FAF2: variants seen among roughly 807,000 people sequenced by gnomAD.
FAF2 encodes the protein FAS-associated factor 2.
A neutral mutation model predicts 62.3 loss-of-function variants in FAF2; 9 were observed. The observed-to-expected ratio is 0.14, with a 90% confidence interval of 0.09 to 0.25. FAF2 has a LOEUF of 0.25. Ranked by LOEUF, FAF2 falls within the 10% of genes least tolerant of loss-of-function variation. The pLI is 1.00. For synonymous variants in FAF2, 202 were observed against 198.0 expected (o/e 1.02, Z -0.17); for missense variants, 368 against 556.2 (o/e 0.66, Z 3.40).
chr5:176,501,766 T>C (rs1023958741), intron 10 of FAF2, among the ~76,000 whole-genome samples: 3 of 152,198 alleles, frequency 2.0e-5, no homozygotes, highest in African/African-American at 7.2e-5. Flanking sequence ...TAACTTTGTT[T>C]GTTTTGAGAC....
chr5:176,507,035 AC>A lies in FAF2; in HGVS notation c.*86del. ...AACAACAGCAAGTCAGAAAAAAAAAACAAGAGAGAGAAATTCATATTATTAT... is the reference window on the plus strand; with the variant it reads ...AACAACAGCAAGTCAGAAAAAAAAAAAAGAGAGAGAAATTCATATTATTAT... On this transcript the variant is annotated 3_prime_UTR_variant, in exon 11 of 11. Coordinates refer to ENST00000261942, the MANE Select transcript of FAF2 (RefSeq NM_014613.3). The A allele has an allele frequency of 4.4e-6, 4 of 919,396 alleles. No individual in the cohort carries two copies. The highest frequency in any genetic ancestry group is 6.0e-6 in the Non-Finnish European group (4 of 668,394). The allele number at this position is 919,396 out of a possible 1,614,324, so 57.0% of individuals were successfully genotyped here. A position where few individuals can be genotyped will look rare whatever the true frequency, so the allele number is the denominator to read the frequency against.
intron 1 of FAF2, among the ~76,000 whole-genome samples, chr5:176,476,551 A>T (rs1758694127): frequency 6.6e-6 from 1 of 151,882 alleles, no homozygotes; most frequent in African/African-American, 2.4e-5. Flanking sequence ...CACATAAGAG[A>T]CGTAGAAAAC....
At chr5:176,458,408 CTTTT>C (rs751775026) in intron 1 of FAF2, among the ~76,000 whole-genome samples, 5 of 86,362 alleles carry the variant, frequency 5.8e-5, no homozygotes, top group South Asian at 4.2e-4. Flanking sequence ...CTTTTTCTTC[CTTTT>C]TTTTTTTTTT....
chr5:176,468,556 C>G (rs995891292), intron 1 of FAF2, among the ~76,000 whole-genome samples: 1 of 152,084 alleles, frequency 6.6e-6, no homozygotes, highest in African/African-American at 2.4e-5. Flanking sequence ...TGCATCCCAA[C>G]CTGGGCGACA....
chr5:176,455,040 A>T (rs1758259137), intron 1 of FAF2, among the ~76,000 whole-genome samples: 1 of 152,198 alleles, frequency 6.6e-6, no homozygotes. Flanking sequence ...AAACTAAATT[A>T]AAAGCTTTAA....
At chr5:176,505,995 C>A (rs1755676248) in intron 10 of FAF2, among the ~76,000 whole-genome samples, 1 of 151,992 alleles carries the variant, frequency 6.6e-6, no homozygotes, top group Non-Finnish European at 1.5e-5. Context: ...TCGAGACCAT[C>A]CTGGCTAACA....
rs1034998899 is a variant in FAF2 at position 176,496,412 on chromosome 5, C to T, written c.662-74C>T. On this transcript the variant is annotated intron_variant, in intron 7 of 10. Transcript: ENST00000261942. ...AGGATTAAAACAGTTCTCTCTCACT[C>T]ATTGTGGAAAGTCTAAGGGTTGATC... The T allele has an allele frequency of 2.5e-6, 3 of 1,207,138 alleles. No homozygotes were observed. The East Asian group carries it at 8.1e-5, about 33-fold the overall frequency. The allele number at this position is 1,207,138 out of a possible 1,614,324, so 74.8% of individuals were successfully genotyped here. A position where few individuals can be genotyped will look rare whatever the true frequency, so the allele number is the denominator to read the frequency against.
rs113664324 is a variant in FAF2, at chr5:176,448,797, T to C, written c.63+327T>C. Reference sequence around the variant, plus strand: ...GGTCGGACCCTCTCCGCCCAACGAGTCTATATCTGCCGGAGAAGCTTAGTC... The same window carrying C: ...GGTCGGACCCTCTCCGCCCAACGAGCCTATATCTGCCGGAGAAGCTTAGTC... On this transcript the variant is annotated intron_variant, in intron 1 of 10. Coordinates refer to ENST00000261942, the MANE Select transcript of FAF2 (RefSeq NM_014613.3). 3.1e-3 allele frequency among the ~76,000 whole-genome samples: 467 copies of C among 152,132 alleles called. 3 individuals are homozygous for C. Among genetic ancestry groups the C allele is most frequent in the African/African-American group, 0.011 (444 of 41,474 alleles).
In FAF2 at chr5:176,508,172, C is replaced by G. The variant is rs1755716651; in HGVS notation, c.*1222C>G. The G allele has an allele frequency of 6.6e-6, 1 of 152,648 alleles. No homozygotes were observed. Among genetic ancestry groups the G allele is most frequent in the South Asian group, 2.1e-4 (1 of 4,828 alleles). The allele number at this position is 152,648 out of a possible 1,614,324, so 9.5% of individuals were successfully genotyped here. A position where few individuals can be genotyped will look rare whatever the true frequency, so the allele number is the denominator to read the frequency against. On this transcript the variant is annotated 3_prime_UTR_variant, in exon 11 of 11. Coordinates refer to ENST00000261942, the MANE Select transcript of FAF2 (RefSeq NM_014613.3). Reference sequence around the variant, plus strand: ...CTTCTGGAGGCAGCTTTTATCCTTTCTCTCTATTGCTATGTTGAAGTAATA... The same window carrying G: ...CTTCTGGAGGCAGCTTTTATCCTTTGTCTCTATTGCTATGTTGAAGTAATA...
At chr5:176,477,024 G>A (rs1298138826) in intron 1 of FAF2, among the ~76,000 whole-genome samples, 1 of 151,250 alleles carries the variant, frequency 6.6e-6, no homozygotes, top group Non-Finnish European at 1.5e-5. Context: ...TAGCCAGGAT[G>A]GTCTCGATCT....
intron 1 of FAF2, among the ~76,000 whole-genome samples, chr5:176,468,428 CA>C (rs1758508481): frequency 6.6e-6 from 1 of 151,708 alleles, no homozygotes; most frequent in Admixed American, 6.6e-5. Context: ...ACTAAAAATA[CA>C]AAAAATTAGG....
intron 1 of FAF2, among the ~76,000 whole-genome samples, chr5:176,451,940 TG>T (rs1201861385): frequency 8.7e-6 from 1 of 114,638 alleles, no homozygotes; most frequent in African/African-American, 3.3e-5. Flanking sequence ...ATATCTCTGT[TG>T]CCCAGGCTGA....
chr5:176,475,514 C>A (rs993545965), intron 1 of FAF2, among the ~76,000 whole-genome samples: 1 of 152,200 alleles, frequency 6.6e-6, no homozygotes, highest in Non-Finnish European at 1.5e-5. Flanking sequence ...CGGTGGCTCA[C>A]GCCTGTAATC....
intron 1 of FAF2, among the ~76,000 whole-genome samples, chr5:176,456,477 A>G (rs1317142815): frequency 1.3e-5 from 2 of 152,228 alleles, no homozygotes; most frequent in East Asian, 3.8e-4. Context: ...ATGTAAGCAT[A>G]TGAAAAGATG....
At chr5:176,492,437 T>A in intron 5 of FAF2, 105 bp downstream of exon 5, 1 of 1,260,036 alleles carries the variant, frequency 7.9e-7, no homozygotes, top group Non-Finnish European at 1.1e-6. Context: ...TCAAAAACCT[T>A]AATTAGCTCT....
At chr5:176,506,204 A>AAC (rs1554133977) in intron 10 of FAF2, among the ~76,000 whole-genome samples, 7 of 142,078 alleles carry the variant, frequency 4.9e-5, no homozygotes, top group African/African-American at 1.9e-4. Flanking sequence ...AAAAAAAAAA[A>AAC]AACAAAAAAA....
At position 176,496,674 on chromosome 5, in the gene FAF2, G is replaced by A; in HGVS notation, c.839+11G>A. 6.6e-7 allele frequency: 1 copy of A among 1,513,426 alleles called. No individual in the cohort carries two copies. Among genetic ancestry groups the A allele is most frequent in the Admixed American group, 2.1e-5 (1 of 48,040 alleles). 93.7% of individuals were successfully genotyped at this position (1,513,426 alleles called of 1,614,324 possible). A position where few individuals can be genotyped will look rare whatever the true frequency, so the allele number is the denominator to read the frequency against. ...AGAACGCCTAGAAAGGTACAAGGGA[G>A]TTCCCTTCTGGAACAGAGAGAGACC... On this transcript the variant is annotated intron_variant, in intron 8 of 10. Coordinates refer to ENST00000261942, the MANE Select transcript of FAF2 (RefSeq NM_014613.3).
At position 176,482,376 on chromosome 5, in the gene FAF2, C is replaced by T. The variant is rs549526174; in HGVS notation, c.132+3120C>T. ...GGGACTACAGGTGTCCCATGCCCGG[C>T]TAATTTTTGTATTTTTAGTAGAGGC... is the stretch of plus-strand genomic sequence containing the variant. On this transcript the variant is annotated intron_variant, in intron 2 of 10. Coordinates refer to ENST00000261942, the MANE Select transcript of FAF2 (RefSeq NM_014613.3). Among the ~76,000 whole-genome samples, 12 of 152,142 alleles carry T rather than the reference C, an allele frequency of 7.9e-5. 1 individual carries two copies. The highest frequency in any genetic ancestry group is 6.8e-3 in the Middle Eastern group (2 of 292).
intron 1 of FAF2, among the ~76,000 whole-genome samples, chr5:176,455,573 A>C (rs1758265045): frequency 6.6e-6 from 1 of 152,194 alleles, no homozygotes; most frequent in African/African-American, 2.4e-5. Flanking sequence ...AACATGGTGA[A>C]ACCCCATCTC....
Sources: gnomAD v4.1 joint callset for allele counts (sites outside exome capture counted in the v4.1 genomes callset) on GRCh38, gnomAD v4.1.1 for gene constraint, MANE v1.5 for transcripts, NCBI Gene and HGNC (gene_info 2026-07-23, HGNC 2026-07-21) for gene names.